RNPS1: variants seen among roughly 807,000 people sequenced by gnomAD.
RNPS1 encodes the protein RNA binding protein with serine rich domain 1.
For synonymous variants in RNPS1, 147 were observed against 150.0 expected (o/e 0.98, Z 0.15); for missense variants, 300 against 427.6 (o/e 0.70, Z 2.63).
intron 3 of RNPS1, 49 bp from the exon 4 acceptor site, chr16:2,263,336 T>C: frequency 6.3e-7 from 1 of 1,577,316 alleles, no homozygotes; most frequent in East Asian, 2.2e-5. Flanking sequence ...AGTCTCACAG[T>C]ACAGACGCCT....
intron 6 of RNPS1, chr16:2,257,141 GGA>G (rs1463082968): frequency 6.6e-6 from 1 of 152,218 alleles, no homozygotes; most frequent in African/African-American, 2.4e-5. Context: ...TGGGCTCCAG[GGA>G]GAGAGGAAAG....
At chr16:2,262,694 G>C (rs2093607984) in intron 5 of RNPS1, 46 bp downstream of exon 5, 1 of 1,524,810 alleles carries the variant, frequency 6.6e-7, no homozygotes, top group Non-Finnish European at 9.1e-7. Flanking sequence ...GCACAGGCCT[G>C]CTTGTCCACA....
At chr16:2,254,340 T>C (rs1267599337) in intron 7 of RNPS1, among the ~76,000 whole-genome samples, 2 of 151,406 alleles carry the variant, frequency 1.3e-5, no homozygotes, top group Non-Finnish European at 2.9e-5. Context: ...AGATGGGGTC[T>C]CACTCTGTTG....
chr16:2,266,705 G>C, intron 1 of RNPS1: 1 of 985,382 alleles, frequency 1.0e-6, no homozygotes, highest in Non-Finnish European at 1.2e-6. Flanking sequence ...ACCTGCAGCA[G>C]CACTGTCCAA....
chr16:2,258,874 CT>C, intron 6 of RNPS1: 1 of 152,120 alleles, frequency 6.6e-6, no homozygotes. Flanking sequence ...GTAATCCCAG[CT>C]GCTTTGGGAG....
chr16:2,259,765 T>C (rs1229547905), intron 6 of RNPS1, among the ~76,000 whole-genome samples: 1 of 152,148 alleles, frequency 6.6e-6, no homozygotes, highest in Non-Finnish European at 1.5e-5. Flanking sequence ...GGCCGGTGCC[T>C]GCAGTCCCAG....
rs780593543 is a variant in RNPS1 at position 2,263,080 on chromosome 16, G to A, written c.419+16C>T. On this transcript the variant is annotated intron_variant, in intron 4 of 7. Transcript: ENST00000320225. ...CCGAGCTTGTAAACTTTAGCTCCCAGGCGCAGGGCACTCACTTGGAGCGGG... is the reference window on the plus strand; with the variant it reads ...CCGAGCTTGTAAACTTTAGCTCCCAAGCGCAGGGCACTCACTTGGAGCGGG... The A allele has an allele frequency of 6.2e-7, 1 of 1,609,552 alleles. No homozygotes were observed. The highest frequency in any genetic ancestry group is 1.1e-5 in the South Asian group (1 of 90,900).
chr16:2,260,155 T>TC (rs1400478850), intron 6 of RNPS1, among the ~76,000 whole-genome samples: 4 of 136,152 alleles, frequency 2.9e-5, no homozygotes, highest in African/African-American at 5.5e-5. Flanking sequence ...TTCTTTTTTT[T>TC]TTTTTTTTTT....
intron 2 of RNPS1, 55 bp downstream of exon 2, chr16:2,264,518 T>C: frequency 6.4e-7 from 1 of 1,572,132 alleles, no homozygotes; most frequent in South Asian, 1.1e-5. Context: ...TTTCTGCGGG[T>C]CCCTAGCAGT....
At chr16:2,258,028 G>C (rs1053454364) in intron 6 of RNPS1, 2 of 152,154 alleles carry the variant, frequency 1.3e-5, no homozygotes, top group Non-Finnish European at 2.9e-5. Flanking sequence ...AATGCCACCC[G>C]AAACTATTCA....
chr16:2,262,965 C>A, intron 4 of RNPS1, 123 bp from the exon 5 acceptor site: 1 of 1,308,250 alleles, frequency 7.6e-7, no homozygotes, highest in South Asian at 1.3e-5. Flanking sequence ...CCTGCTAGTT[C>A]ACATACATTA....
chr16:2,259,412 TTAAC>T (rs1235904662), intron 6 of RNPS1, among the ~76,000 whole-genome samples: 1 of 152,266 alleles, frequency 6.6e-6, no homozygotes, highest in African/African-American at 2.4e-5. Context: ...AATTGTGTCT[TTAAC>T]TATGGCTGCC....
intron 1 of RNPS1, chr16:2,266,364 G>C (rs140926191): frequency 0.017 from 17,226 of 985,302 alleles, 174 homozygotes; most frequent in Non-Finnish European, 0.019. Flanking sequence ...ATAGTGCCTC[G>C]ACACTCTTTG....
At position 2,266,039 on chromosome 16, in the gene RNPS1, G is replaced by A. The variant is rs990949579; in HGVS notation, c.-117-1279C>T. On this transcript the variant is annotated intron_variant, in intron 1 of 7. Transcript: ENST00000320225. Reference sequence around the variant, plus strand: ...CTTCTGCCTTCAGTATTTCTAGTAAGGCTCTGCACAAGCTGCAGGAGTTGT... The same window carrying A: ...CTTCTGCCTTCAGTATTTCTAGTAAAGCTCTGCACAAGCTGCAGGAGTTGT... 11 of 853,822 alleles carry A rather than the reference G, an allele frequency of 1.3e-5. No homozygotes were observed. In the Admixed American group the frequency reaches 1.9e-4, roughly 14 times the overall value. The allele number at this position is 853,822 out of a possible 1,614,324, so 52.9% of individuals were successfully genotyped here. A position where few individuals can be genotyped will look rare whatever the true frequency, so the allele number is the denominator to read the frequency against.
Position 2,255,623 on chromosome 16 carries a change from C to G in RNPS1, c.780G>C (p.Pro260=), listed in dbSNP as rs530841373. ...FSPPRRMLPP[P]PMWRRSPPRM... is the part of the protein sequence containing the mutation. ...GTGGGGGAGACCTGCGCCACATAGG[C>G]GGTGGTGGCAACATTCTCCTGGGAG... The change falls in exon 7 of 8, where the codon CCG becomes CCC. Residue 260 remains proline (P), a synonymous_variant. Coordinates refer to ENST00000320225, the MANE Select transcript of RNPS1 (RefSeq NM_080594.4). The G allele has an allele frequency of 1.7e-5, 28 of 1,607,498 alleles. No individual in the cohort carries two copies. Among genetic ancestry groups the G allele is most frequent in the East Asian group, 8.9e-5 (4 of 44,820 alleles).
intron 3 of RNPS1, 23 bp from the exon 4 acceptor site, chr16:2,263,310 C>T: frequency 6.2e-7 from 1 of 1,612,464 alleles, no homozygotes; most frequent in Non-Finnish European, 8.5e-7. Flanking sequence ...TGAGGGGTCA[C>T]AACCACCACA....
intron 6 of RNPS1, among the ~76,000 whole-genome samples, chr16:2,259,605 T>G (rs2093593806): frequency 6.6e-6 from 1 of 152,182 alleles, no homozygotes; most frequent in Non-Finnish European, 1.5e-5. Context: ...AGAGCTAAAA[T>G]AAGGCCGGGT....
At chr16:2,257,049 A>G (rs2093581807) in intron 6 of RNPS1, 2 of 152,222 alleles carry the variant, frequency 1.3e-5, no homozygotes, top group African/African-American at 2.4e-5. Flanking sequence ...GGAAACAAGC[A>G]GTCTCAGAGA....
chr16:2,254,092 G>A, intron 7 of RNPS1, 29 bp from the exon 8 acceptor site: 1 of 1,435,354 alleles, frequency 7.0e-7, no homozygotes, highest in Non-Finnish European at 9.2e-7. Flanking sequence ...CCACATCAGA[G>A]TAGCTCAGGC....
Sources: gnomAD v4.1 joint callset for allele counts (sites outside exome capture counted in the v4.1 genomes callset) on GRCh38, gnomAD v4.1.1 for gene constraint, MANE v1.5 for transcripts, NCBI Gene and HGNC (gene_info 2026-07-23, HGNC 2026-07-21) for gene names.